The following HAVCR2 variants were observed in gnomAD, a reference collection of about 807,000 sequenced individuals.
The protein encoded by HAVCR2 is hepatitis A virus cellular receptor 2, also known as T cell immunoglobulin mucin 3.
In HAVCR2, 13 loss-of-function variants were observed where a neutral mutation model predicts 24.7. The observed-to-expected ratio is 0.53, with a 90% CI of 0.34 to 0.84. The LOEUF (loss-of-function observed/expected upper bound fraction) is 0.84, where lower values mean the gene tolerates loss of function less well. HAVCR2 is among the 40% of genes least tolerant of loss of function. HAVCR2 has a pLI of 0.01. For synonymous variants in HAVCR2, 154 were observed against 143.4 expected (o/e 1.07, Z -0.53); for missense variants, 343 against 371.2 (o/e 0.92, Z 0.62).
intron 5 of HAVCR2, among the ~76,000 whole-genome samples, chr5:157,094,714 A>T (rs958087399): frequency 1.2e-4 from 15 of 122,010 alleles, no homozygotes; most frequent in Admixed American, 3.0e-4. Context: ...TTGCTAGTTT[A>T]AAAAAAAAAA....
intron 3 of HAVCR2, among the ~76,000 whole-genome samples, chr5:157,104,143 G>T (rs1757211891): frequency 6.6e-6 from 1 of 152,186 alleles, no homozygotes; most frequent in African/African-American, 2.4e-5. Flanking sequence ...CTTGACTTCT[G>T]CTTTATGCCC....
chr5:157,106,858 T>G lies in HAVCR2; in HGVS notation c.163A>C (p.Lys55Gln). Residue 55 changes from lysine to glutamine, a missense_variant, in exon 2 of 7, where the codon AAA (lysine) becomes CAA (glutamine). Transcript: ENST00000307851. The stretch of plus-strand genomic sequence containing the variant: ...CATTCAAACACAGGACAGGCTCCTT[T>G]GCCCCAGCAGACGGGCACGAGGTTC... ...PGNLVPVCWG[K>Q]GACPVFECGN... 1 of 1,614,182 alleles carries G rather than the reference T, an allele frequency of 6.2e-7. No individual in the cohort carries two copies. Among genetic ancestry groups the G allele is most frequent in the South Asian group, 1.1e-5 (1 of 91,080 alleles).
At chr5:157,088,164 C>T (rs995414656) in intron 6 of HAVCR2, among the ~76,000 whole-genome samples, 2 of 152,204 alleles carry the variant, frequency 1.3e-5, no homozygotes, top group Middle Eastern at 3.2e-3. Flanking sequence ...CCCACCTCAG[C>T]CTCCCAAAGT....
chr5:157,106,547 G>C (rs750200828), intron 2 of HAVCR2, 80 bp downstream of exon 2: 3 of 1,236,430 alleles, frequency 2.4e-6, no homozygotes, highest in East Asian at 4.7e-5. Flanking sequence ...AGGGAAGTCA[G>C]AGATGAGAAC....
chr5:157,098,927 G>A (rs1230807692), intron 3 of HAVCR2, 26 bp from the exon 4 acceptor site: 1 of 1,604,206 alleles, frequency 6.2e-7, no homozygotes, highest in Non-Finnish European at 8.5e-7. Flanking sequence ...GAGAGAGAGA[G>A]AGAGGAAAAA....
In HAVCR2 at chr5:157,098,977, G is replaced by GT. The variant is rs1757132832; in HGVS notation, c.479-77dup. Reference sequence around the variant, plus strand: ...GTTAAGAACGTTTTCTTTTATCTAAGTTTTTAAAAAATCTTAATGATGCCT... The same window carrying GT: ...GTTAAGAACGTTTTCTTTTATCTAAGTTTTTTAAAAAATCTTAATGATGCCT... On this transcript the variant is annotated intron_variant, in intron 3 of 6. Transcript: ENST00000307851. The GT allele has an allele frequency of 3.3e-5, 45 of 1,376,538 alleles. No homozygotes were observed. The South Asian group carries it at 5.8e-4, about 18-fold the overall frequency. The allele number at this position is 1,376,538 out of a possible 1,614,324, so 85.3% of individuals were successfully genotyped here.
intron 3 of HAVCR2, among the ~76,000 whole-genome samples, chr5:157,100,452 C>T (rs1326811979): frequency 6.6e-6 from 1 of 152,200 alleles, no homozygotes; most frequent in Non-Finnish European, 1.5e-5. Flanking sequence ...TGATCCATTC[C>T]ATGAATATGC....
intron 2 of HAVCR2, chr5:157,106,251 C>T (rs1296016299): frequency 7.6e-5 from 13 of 171,254 alleles, no homozygotes; most frequent in South Asian, 1.5e-4. Context: ...CTGCTTCAGC[C>T]CCCCAAGTAG....
chr5:157,090,812 T>A, intron 5 of HAVCR2, among the ~76,000 whole-genome samples: 1 of 152,134 alleles, frequency 6.6e-6, no homozygotes, highest in African/African-American at 2.4e-5. Flanking sequence ...ACACTTTAGA[T>A]GTATGTTGGA....
At chr5:157,099,189 G>T (rs1561621949) in intron 3 of HAVCR2, among the ~76,000 whole-genome samples, 1 of 151,976 alleles carries the variant, frequency 6.6e-6, no homozygotes, top group Admixed American at 6.6e-5. Flanking sequence ...TATGTGCTTT[G>T]TTTTTTTCAC....
intron 5 of HAVCR2, among the ~76,000 whole-genome samples, chr5:157,093,547 G>A (rs1181911473): frequency 6.6e-6 from 1 of 152,118 alleles, no homozygotes; most frequent in African/African-American, 2.4e-5. Flanking sequence ...TACACACACA[G>A]TCCCTGTTTG....
At position 157,095,282 on chromosome 5, in the gene HAVCR2, GGAGA is replaced by G; in HGVS notation, c.676+20_676+23del. The G allele has an allele frequency of 6.2e-7, 1 of 1,610,950 alleles. No individual in the cohort carries two copies. On this transcript the variant is annotated intron_variant, in intron 5 of 6. Coordinates refer to ENST00000307851, the MANE Select transcript of HAVCR2 (RefSeq NM_032782.5). ...CTCACTGAAGAATTTGTTATCAGAG[GGAGA>G]GAGAAACAAAAACACTTACATTTGA...
intron 4 of HAVCR2, among the ~76,000 whole-genome samples, chr5:157,098,599 C>CAA (rs1757126770): frequency 6.6e-6 from 1 of 152,124 alleles, no homozygotes; most frequent in East Asian, 1.9e-4. Context: ...ATAAGAGGGA[C>CAA]AAAATGCTAA....
intron 3 of HAVCR2, among the ~76,000 whole-genome samples, chr5:157,100,169 G>A (rs1269702369): frequency 6.6e-6 from 1 of 152,164 alleles, no homozygotes; most frequent in Non-Finnish European, 1.5e-5. Flanking sequence ...ACTTACTTTA[G>A]AACTACGCTT....
intron 3 of HAVCR2, among the ~76,000 whole-genome samples, chr5:157,100,948 T>G (rs564600706): frequency 6.6e-6 from 1 of 151,928 alleles, no homozygotes; most frequent in South Asian, 2.1e-4. Flanking sequence ...TACAAAAAAT[T>G]AGCCGGGCGT....
At chr5:157,106,585 A>T in intron 2 of HAVCR2, 42 bp downstream of exon 2, 1 of 1,497,762 alleles carries the variant, frequency 6.7e-7, no homozygotes, top group Non-Finnish European at 9.3e-7. Flanking sequence ...TGATCCACAG[A>T]TAAATCTTAT....
At chr5:157,095,037 T>C (rs1245345113) in intron 5 of HAVCR2, among the ~76,000 whole-genome samples, 1 of 152,208 alleles carries the variant, frequency 6.6e-6, no homozygotes, top group Non-Finnish European at 1.5e-5. Flanking sequence ...TTGACTTCCC[T>C]TCACTGTAAA....
rs34135875 is a variant in HAVCR2, at chr5:157,086,292, T to C, written c.*810A>G. The C allele has an allele frequency of 0.04, 6,137 of 152,314 alleles. 307 individuals are homozygous for C. The highest frequency in any genetic ancestry group is 0.12 in the African/African-American group (4,980 of 41,538). The allele number at this position is 152,314 out of a possible 1,614,324, so 9.4% of individuals were successfully genotyped here. ...CAGGCAGTGCTCAAATAAGCCTAAATCTCAACATTCCAAGGGAATCTTCAA... is the reference window on the plus strand; with the variant it reads ...CAGGCAGTGCTCAAATAAGCCTAAACCTCAACATTCCAAGGGAATCTTCAA... On this transcript the variant is annotated 3_prime_UTR_variant, in exon 7 of 7. Transcript: ENST00000307851.
chr5:157,100,713 T>A (rs911214407), intron 3 of HAVCR2, among the ~76,000 whole-genome samples: 3 of 152,192 alleles, frequency 2.0e-5, no homozygotes, highest in African/African-American at 7.2e-5. Flanking sequence ...TTAAATATTA[T>A]AAAGGCATAG....
Sources: allele counts gnomAD v4.1 joint callset (sites outside exome capture counted in the v4.1 genomes callset), GRCh38; gene constraint gnomAD v4.1.1; transcripts MANE v1.5; gene names NCBI Gene and HGNC (gene_info 2026-07-23, HGNC 2026-07-21).